Variants in PRICKLE1 observed in about 807,000 individuals in gnomAD.
PRICKLE1 encodes prickle planar cell polarity protein 1.
PRICKLE1 carries 14 observed loss-of-function variants against 70.2 expected under a neutral mutation model. The ratio of observed to expected loss-of-function variants is 0.20; its 90% confidence interval spans 0.13 to 0.31. The LOEUF is 0.31. Among genes scored for constraint, PRICKLE1 ranks in the 10% least tolerant of loss-of-function variants. PRICKLE1 has a pLI of 1.00. For synonymous variants in PRICKLE1, 357 were observed against 379.9 expected (o/e 0.94, Z 0.70); for missense variants, 821 against 1,026.2 (o/e 0.80, Z 2.73).
intron 1 of PRICKLE1, chr12:42,524,832 T>C (rs1939773647): frequency 6.6e-6 from 1 of 152,196 alleles, no homozygotes; most frequent in Admixed American, 6.5e-5. Flanking sequence ...AATTCTGGAG[T>C]CATCCAGCCT....
chr12:42,549,406 C>T (rs1940270814), intron 1 of PRICKLE1, among the ~76,000 whole-genome samples: 1 of 152,164 alleles, frequency 6.6e-6, no homozygotes, highest in Non-Finnish European at 1.5e-5. Context: ...TTAAACTTAT[C>T]TTGACATAGT....
intron 1 of PRICKLE1, among the ~76,000 whole-genome samples, chr12:42,503,787 C>G (rs2140184971): frequency 6.6e-6 from 1 of 152,226 alleles, no homozygotes; most frequent in South Asian, 2.1e-4. Flanking sequence ...TTCTTTATAC[C>G]TTTTCCAACT....
intron 1 of PRICKLE1, among the ~76,000 whole-genome samples, chr12:42,559,159 T>C (rs1201736963): frequency 6.6e-6 from 1 of 152,232 alleles, no homozygotes; most frequent in Non-Finnish European, 1.5e-5. Context: ...TCACTTTTTC[T>C]TCCTTGTCCC....
intron 1 of PRICKLE1, among the ~76,000 whole-genome samples, chr12:42,479,294 GCAGA>G (rs1427038460): frequency 6.6e-6 from 1 of 152,172 alleles, no homozygotes; most frequent in African/African-American, 2.4e-5. Flanking sequence ...CTTCTGAACG[GCAGA>G]CAATTTTGCC....
At chr12:42,559,298 C>T (rs907932466) in intron 1 of PRICKLE1, among the ~76,000 whole-genome samples, 9 of 152,140 alleles carry the variant, frequency 5.9e-5, no homozygotes, top group Admixed American at 5.2e-4. Context: ...CTTAACTGCA[C>T]CTTCCTAATT....
rs575533596 is a variant in PRICKLE1, at chr12:42,508,166, G to T, written c.-48-35602C>A. Among the ~76,000 whole-genome samples, 5 of 152,000 alleles carry T rather than the reference G, an allele frequency of 3.3e-5. No homozygotes were observed. In the South Asian group the frequency reaches 6.2e-4, roughly 19 times the overall value. ...TAGAGAATGTGGCTTTGAGAAGGAG[G>T]GGGGAACAGGAAAAGGGAAAGGGGG... On this transcript the variant is annotated intron_variant, in intron 1 of 7. Transcript: ENST00000345127.
chr12:42,559,633 TTTTGG>T (rs755829649), intron 1 of PRICKLE1, among the ~76,000 whole-genome samples: 147 of 109,600 alleles, frequency 1.3e-3, no homozygotes, highest in African/African-American at 4.6e-3. Flanking sequence ...TATTTTTTTT[TTTTGG>T]GGGGGGTAGA....
In PRICKLE1 at chr12:42,588,803, G is replaced by A. The variant is rs1376106770; in HGVS notation, c.-49+662C>T. 3.3e-5 allele frequency among the ~76,000 whole-genome samples: 5 copies of A among 152,278 alleles called. No individual in the cohort carries two copies. In the East Asian group the frequency reaches 7.7e-4, roughly 23 times the overall value. ...CTGGCGATGCCGTTTGTTTTTCTTA[G>A]AGGGTAATGAAAATTTAACAGCTTT... On this transcript the variant is annotated intron_variant, in intron 1 of 7. Transcript: ENST00000345127.
chr12:42,554,512 G>T (rs1015762294), intron 1 of PRICKLE1, among the ~76,000 whole-genome samples: 1 of 152,176 alleles, frequency 6.6e-6, no homozygotes, highest in Non-Finnish European at 1.5e-5. Context: ...AATAGACACT[G>T]ATGTCTTCCA....
At chr12:42,469,333 C>T (rs1938223637) in intron 4 of PRICKLE1, 117 bp downstream of exon 4, 20 of 1,209,112 alleles carry the variant, frequency 1.7e-5, no homozygotes, top group Non-Finnish European at 2.3e-5. Context: ...CTGTCTTTCT[C>T]TCATTTTCTG....
At chr12:42,527,961 A>C (rs1358440228) in intron 1 of PRICKLE1, among the ~76,000 whole-genome samples, 607 of 17,298 alleles carry the variant, frequency 0.035, 46 homozygotes, top group African/African-American at 0.077. Context: ...ATATATATAT[A>C]TATATATATA....
rs369790443 is a variant in PRICKLE1 at position 42,460,200 on chromosome 12, C to T, written c.2105G>A (p.Arg702Gln). The T allele has an allele frequency of 6.4e-5, 104 of 1,613,932 alleles. No homozygotes were observed. Among genetic ancestry groups the T allele is most frequent in the African/African-American group, 9.3e-5 (7 of 74,884 alleles). Residue 702 changes from arginine (R) to glutamine (Q), a missense_variant, in exon 8 of 8, where the codon CGG becomes CAG. Coordinates refer to ENST00000345127, the MANE Select transcript of PRICKLE1 (RefSeq NM_153026.3). ...CTCATAGTTATCGGGGGTGTACAGCCGCAGTCTGTCCTTGGGAGAGTATTT... is the reference window on the plus strand; with the variant it reads ...CTCATAGTTATCGGGGGTGTACAGCTGCAGTCTGTCCTTGGGAGAGTATTT... Reference protein sequence around the residue: ...ERKYSPKDRLRLYTPDNYEKF... With the variant: ...ERKYSPKDRLQLYTPDNYEKF...
chr12:42,529,882 C>T (rs73277824), intron 1 of PRICKLE1, among the ~76,000 whole-genome samples: 2 of 151,374 alleles, frequency 1.3e-5, no homozygotes, highest in Non-Finnish European at 2.9e-5. Flanking sequence ...CAGAGTGAGA[C>T]CTTATCAAAA....
chr12:42,528,084 T>A (rs1939846353), intron 1 of PRICKLE1, among the ~76,000 whole-genome samples: 1 of 151,840 alleles, frequency 6.6e-6, no homozygotes. Context: ...CTTTATGTAT[T>A]TAACTTACTT....
intron 1 of PRICKLE1, among the ~76,000 whole-genome samples, chr12:42,497,720 A>G (rs1294494002): frequency 6.6e-6 from 1 of 152,226 alleles, no homozygotes; most frequent in East Asian, 1.9e-4. Flanking sequence ...AAAATGTGAC[A>G]CAGAGACACG....
chr12:42,506,446 G>A (rs1301057984), intron 1 of PRICKLE1, among the ~76,000 whole-genome samples: 2 of 150,978 alleles, frequency 1.3e-5, no homozygotes, highest in African/African-American at 2.4e-5. Flanking sequence ...TAATAGAGAT[G>A]AGGTTTCACC....
At chr12:42,583,946 T>C (rs1292774140) in intron 1 of PRICKLE1, among the ~76,000 whole-genome samples, 2 of 152,314 alleles carry the variant, frequency 1.3e-5, no homozygotes, top group South Asian at 4.1e-4. Context: ...CCTGTCCATT[T>C]ACTCCAAGTC....
intron 1 of PRICKLE1, among the ~76,000 whole-genome samples, chr12:42,501,160 A>G (rs1178630987): frequency 6.6e-6 from 1 of 152,194 alleles, no homozygotes; most frequent in African/African-American, 2.4e-5. Flanking sequence ...AAAGAATCCA[A>G]TGATATGGCT....
intron 7 of PRICKLE1, among the ~76,000 whole-genome samples, chr12:42,461,747 A>G (rs1345362779): frequency 1.3e-5 from 2 of 152,240 alleles, no homozygotes; most frequent in Admixed American, 6.5e-5. Flanking sequence ...AGATAAATAC[A>G]TATAGCCCTA....
Sources: gnomAD v4.1 joint callset for allele counts (sites outside exome capture counted in the v4.1 genomes callset) on GRCh38, gnomAD v4.1.1 for gene constraint, MANE v1.5 for transcripts, NCBI Gene and HGNC (gene_info 2026-07-23, HGNC 2026-07-21) for gene names.